The following YIF1B variants were observed in gnomAD, a reference collection of about 807,000 sequenced individuals.
YIF1B encodes protein YIF1B.
In YIF1B, 24 loss-of-function variants were observed where a neutral mutation model predicts 34.6. That is an observed-to-expected ratio of 0.69 (90% CI 0.50 to 0.98). The LOEUF (loss-of-function observed/expected upper bound fraction) is 0.98. Ranked by LOEUF, YIF1B falls within the 50% of genes least tolerant of loss-of-function variation. YIF1B has a pLI of 0.00. For missense variants in YIF1B, 368 were observed against 429.4 expected, an observed-to-expected ratio of 0.86 and a Z score of 1.26; for synonymous variants, 186 against 184.8, an observed-to-expected ratio of 1.01 and a Z score of -0.05.
In YIF1B at chr19:38,307,444, G is replaced by C. The variant is rs1454121147; in HGVS notation, c.773C>G (p.Ala258Gly). The C allele has an allele frequency of 3.1e-6, 5 of 1,613,668 alleles. No homozygotes were observed. Among genetic ancestry groups the C allele is most frequent in the Non-Finnish European group, 4.2e-6 (5 of 1,179,956 alleles). Residue 258 changes from alanine (A) to glycine (G), a missense_variant, in exon 7 of 8, where the codon GCC becomes GGC. Transcript: ENST00000339413. ...YYLVLGWCCV[A>G]IFVFMIRTLR... The stretch of plus-strand genomic sequence containing the variant: ...CCAGCTCACCATGAACACAAAGATG[G>C]CTACGCAGCACCAGCCCAGCACCAG...
At chr19:38,319,816 T>G, upstream of YIF1B, 1 of 929,530 alleles carries the variant, frequency 1.1e-6, no homozygotes. Context: ...CCACCTCCCC[T>G]TTTTCCTCTT....
chr19:38,305,448 A>T lies in YIF1B; in HGVS notation c.849T>A (p.Arg283=), dbSNP rs750058684. Reference sequence around the variant, plus strand: ...ACATGCGCAGCTGGTTCCGGGCCCCACGCACCGGGACCCCCTCAGCTGCTG... The same window carrying T: ...ACATGCGCAGCTGGTTCCGGGCCCCTCGCACCGGGACCCCCTCAGCTGCTG... ...ADAAAEGVPV[R]GARNQLRMYL... is the part of the protein sequence containing the mutation. The change falls in exon 8 of 8, where the codon CGT becomes CGA. Residue 283 remains arginine, a synonymous_variant. Coordinates refer to ENST00000339413, the MANE Select transcript of YIF1B (RefSeq NM_001039672.3). 4 of 1,609,684 alleles carry T rather than the reference A, an allele frequency of 2.5e-6. No homozygotes were observed. In the African/African-American group the frequency reaches 5.3e-5, roughly 21 times the overall value.
rs1879257216 is a variant in YIF1B at position 38,307,264 on chromosome 19, C to T, written c.789+164G>A. The T allele has an allele frequency of 1.2e-5, 8 of 695,486 alleles. No homozygotes were observed. The South Asian group carries it at 1.3e-4, about 11-fold the overall frequency. 43.1% of individuals were successfully genotyped at this position (695,486 alleles called of 1,614,324 possible). A position where few individuals can be genotyped will look rare whatever the true frequency, so the allele number is the denominator to read the frequency against. On this transcript the variant is annotated intron_variant, in intron 7 of 7. Transcript: ENST00000339413. ...TCCAGGGCTCAGGATACCCCCTCTT[C>T]CAGGAAGCCCTCCTGACCCCCCAGG...
At chr19:38,309,987 T>G (rs112224227) in intron 1 of YIF1B, 1 of 27,466 alleles carries the variant, frequency 3.6e-5, no homozygotes, top group Non-Finnish European at 6.4e-5. Context: ...CATCCATCCA[T>G]CCATCCAGCC....
chr19:38,304,965 A>T lies in YIF1B; in HGVS notation c.*387T>A. 1 of 1,560,640 alleles carries T rather than the reference A, an allele frequency of 6.4e-7. No individual in the cohort carries two copies. On this transcript the variant is annotated 3_prime_UTR_variant, in exon 8 of 8. Coordinates refer to ENST00000339413, the MANE Select transcript of YIF1B (RefSeq NM_001039672.3). ...CAAGAAGAAGGAGGCTCCCCACTGA[A>T]GGGCCCTGGACAGGGCTCATTAAAC...
upstream of YIF1B, among the ~76,000 whole-genome samples, chr19:38,318,193 C>CAAAAAAAAA (rs35748833): frequency 4.1e-3 from 124 of 29,898 alleles, 14 homozygotes; most frequent in Admixed American, 7.2e-3. Context: ...ACTCTTGTCT[C>CAAAAAAAAA]AAAAAAAAAA....
In YIF1B at chr19:38,303,896, C is replaced by T. The variant is rs1014598450; in HGVS notation, c.*1456G>A. 6.6e-6 allele frequency among the ~76,000 whole-genome samples: 1 copy of T among 152,216 alleles called. No individual in the cohort carries two copies. The highest frequency in any genetic ancestry group is 2.4e-5 in the African/African-American group (1 of 41,464). ...CAGCGCCCTGCGTGTTAAAGCGCCG[C>T]GGAGGAAGCTGTATTGTCGCGGTAC... On this transcript the variant is annotated 3_prime_UTR_variant, in exon 8 of 8. Coordinates refer to ENST00000339413, the MANE Select transcript of YIF1B (RefSeq NM_001039672.3).
At position 38,305,093 on chromosome 19, in the gene YIF1B, G is replaced by C; in HGVS notation, c.*259C>G. 1.3e-6 allele frequency: 2 copies of C among 1,489,632 alleles called. No individual in the cohort carries two copies. The highest frequency in any genetic ancestry group is 2.5e-5 in the East Asian group (1 of 40,374). The allele number at this position is 1,489,632 out of a possible 1,614,324, so 92.3% of individuals were successfully genotyped here. A position where few individuals can be genotyped will look rare whatever the true frequency, so the allele number is the denominator to read the frequency against. On this transcript the variant is annotated 3_prime_UTR_variant, in exon 8 of 8. Coordinates refer to ENST00000339413, the MANE Select transcript of YIF1B (RefSeq NM_001039672.3). Reference sequence around the variant, plus strand: ...GCTGGGCCCGCCCATTCGTGCGCGAGGCCAAGGAGAGGCTGTCCACGCCAT... The same window carrying C: ...GCTGGGCCCGCCCATTCGTGCGCGACGCCAAGGAGAGGCTGTCCACGCCAT...
chr19:38,320,259 G>A (rs1215193238), upstream of YIF1B: 2 of 1,606,254 alleles, frequency 1.2e-6, no homozygotes, highest in East Asian at 2.2e-5. Context: ...CCAGCACGCT[G>A]ATCACCACCG....
chr19:38,304,826 C>G lies in YIF1B; in HGVS notation c.*526G>C, dbSNP rs201036440. 7.4e-5 allele frequency: 120 copies of G among 1,613,706 alleles called. No individual in the cohort carries two copies. In the African/African-American group the frequency reaches 1.2e-3, roughly 16 times the overall value. The stretch of plus-strand genomic sequence containing the variant: ...CCAGAACCATCTCTTCTCTCCCATC[C>G]CTGCCCTCGGCCCCACAGTCCCACG... On this transcript the variant is annotated 3_prime_UTR_variant, in exon 8 of 8. Coordinates refer to ENST00000339413, the MANE Select transcript of YIF1B (RefSeq NM_001039672.3).
chr19:38,319,469 A>T (rs1456908482), upstream of YIF1B, among the ~76,000 whole-genome samples: 1 of 152,136 alleles, frequency 6.6e-6, no homozygotes, highest in African/African-American at 2.4e-5. Flanking sequence ...GAGGCTCACA[A>T]CTTGGCGAAT....
intron 1 of YIF1B, 91 bp from the exon 2 acceptor site, chr19:38,309,734 G>C: frequency 6.7e-7 from 1 of 1,488,894 alleles, no homozygotes; most frequent in Non-Finnish European, 8.9e-7. Flanking sequence ...TCTGCCTCCT[G>C]CTGCAGAGGA....
In YIF1B at chr19:38,309,514, G is replaced by C. The variant is rs143211115; in HGVS notation, c.188C>G (p.Ala63Gly). Reference protein sequence around the residue: ...QRAPGGLSYPAASPTPHAAFL... With the variant: ...QRAPGGLSYPGASPTPHAAFL... The stretch of plus-strand genomic sequence containing the variant: ...GGCTGCATGGGGCGTGGGAGAGGCT[G>C]CAGGATAACTCAGGCCACCAGGTGC... Residue 63 changes from alanine to glycine, a missense_variant, in exon 2 of 8, where the codon GCA becomes GGA. Ala to Gly is a moderately conservative substitution (Grantham distance 60). Transcript: ENST00000339413. The C allele has an allele frequency of 1.9e-5, 31 of 1,611,480 alleles. No homozygotes were observed. Among genetic ancestry groups the C allele is most frequent in the Non-Finnish European group, 2.6e-5 (31 of 1,178,956 alleles).
At chr19:38,320,276 C>T (rs911881687), upstream of YIF1B, 5 of 1,604,974 alleles carry the variant, frequency 3.1e-6, no homozygotes, top group African/African-American at 5.4e-5. Context: ...ACCGTGGGTA[C>T]GTAAGCGCCT....
intron 1 of YIF1B, among the ~76,000 whole-genome samples, chr19:38,313,415 C>T (rs550432639): frequency 2.0e-5 from 3 of 152,054 alleles, no homozygotes; most frequent in Non-Finnish European, 4.4e-5. Flanking sequence ...CCCACCACCA[C>T]GCCCGGCTAA....
At chr19:38,306,887 T>A (rs988379676) in intron 7 of YIF1B, 1 of 441,218 alleles carries the variant, frequency 2.3e-6, no homozygotes, top group Admixed American at 2.7e-5. Context: ...TTCACCGTGT[T>A]AGCCAGGATG....
intron 1 of YIF1B, among the ~76,000 whole-genome samples, chr19:38,314,192 ATTTT>A (rs544115864): frequency 2.4e-5 from 3 of 127,254 alleles, no homozygotes; most frequent in Admixed American, 8.1e-5. Flanking sequence ...CGCCCGGCTA[ATTTT>A]TTTTTTTTTT....
Position 38,305,279 on chromosome 19 carries a change from G to T in YIF1B, c.*73C>A, listed in dbSNP as rs1968955002. On this transcript the variant is annotated 3_prime_UTR_variant, in exon 8 of 8. Transcript: ENST00000339413. Reference sequence around the variant, plus strand: ...GACAGGGTGGACCTTGGGGCCTGCAGGCAGGAGATGAGTTCGGCGGCCACA... The same window carrying T: ...GACAGGGTGGACCTTGGGGCCTGCATGCAGGAGATGAGTTCGGCGGCCACA... 1 of 1,545,902 alleles carries T rather than the reference G, an allele frequency of 6.5e-7. No individual in the cohort carries two copies. The highest frequency in any genetic ancestry group is 8.7e-7 in the Non-Finnish European group (1 of 1,144,948).
intron 1 of YIF1B, among the ~76,000 whole-genome samples, chr19:38,310,716 T>A (rs866643535): frequency 2.6e-5 from 4 of 152,238 alleles, no homozygotes; most frequent in South Asian, 2.1e-4. Flanking sequence ...CAATGCTCAC[T>A]GAATGCACCA....
Sources: allele counts gnomAD v4.1 joint callset (sites outside exome capture counted in the v4.1 genomes callset), GRCh38; gene constraint gnomAD v4.1.1; transcripts MANE v1.5; gene names NCBI Gene and HGNC (gene_info 2026-07-23, HGNC 2026-07-21).